Variants in NBPF8 observed in about 807,000 individuals in gnomAD.
NBPF8 encodes the protein NBPF member 8.
chr1:120,436,503 C>T, exon 1 of NBPF8: 1 of 1,492,464 alleles, frequency 6.7e-7, no homozygotes, highest in Non-Finnish European at 9.3e-7. Flanking sequence ...GACTCCACCT[C>T]TTCTGCCACA....
At chr1:120,420,887 G>A (rs1417415425) in intron 1 of NBPF8, among the ~76,000 whole-genome samples, 4 of 147,456 alleles carry the variant, frequency 2.7e-5, no homozygotes, top group Non-Finnish European at 6.0e-5. Context: ...TTGAGAGGGG[G>A]AGAAAGAAAG....
chr1:120,435,812 G>C (rs1661057178), upstream of NBPF8, among the ~76,000 whole-genome samples: 1 of 151,574 alleles, frequency 6.6e-6, no homozygotes, highest in African/African-American at 2.4e-5. Context: ...CTTGCAGTGA[G>C]CCTAGATCGC....
chr1:120,462,832 T>C, exon 21 of NBPF8: 3 of 332,136 alleles, frequency 9.0e-6, no homozygotes, highest in Non-Finnish European at 1.6e-5. Context: ...GAGCCTGAAG[T>C]CTTGCAGGAC....
At chr1:120,435,665 A>AC (rs1462336796), upstream of NBPF8, among the ~76,000 whole-genome samples, 1 of 150,448 alleles carries the variant, frequency 6.6e-6, no homozygotes, top group Non-Finnish European at 1.5e-5. Flanking sequence ...ACACAGTGAA[A>AC]CCCCGTCTCT....
chr1:120,416,297 G>A (rs1285490277), upstream of NBPF8, among the ~76,000 whole-genome samples: 8 of 133,824 alleles, frequency 6.0e-5, no homozygotes, highest in Non-Finnish European at 9.4e-5. Context: ...TATACAGAGA[G>A]GTTCACAATT....
In NBPF8 at chr1:120,464,560, T is replaced by A. The variant is rs1428186851; in HGVS notation, n.3459+12T>A. The A allele has an allele frequency of 1.9e-5, 15 of 770,984 alleles. No homozygotes were observed. The highest frequency in any genetic ancestry group is 3.6e-5 in the Non-Finnish European group (15 of 417,908). The allele number at this position is 770,984 out of a possible 1,614,324, so 47.8% of individuals were successfully genotyped here. A position where few individuals can be genotyped will look rare whatever the true frequency, so the allele number is the denominator to read the frequency against. ...TCTTGACGTGGGAGGTGAGTACCTTTCTATGAAGGTGATAAGGATCCACTG... is the reference window on the plus strand; with the variant it reads ...TCTTGACGTGGGAGGTGAGTACCTTACTATGAAGGTGATAAGGATCCACTG... On this transcript the variant is annotated intron_variant and non_coding_transcript_variant, in intron 23 of 24. Transcript: ENST00000583271.
At chr1:120,456,452 A>T (rs1374493987) in intron 16 of NBPF8, among the ~76,000 whole-genome samples, 7 of 130,928 alleles carry the variant, frequency 5.3e-5, no homozygotes, top group East Asian at 3.9e-4. Context: ...GTGCTCCTGT[A>T]TAGGGTGCAT....
chr1:120,419,500 C>T (rs1252401797), upstream of NBPF8, among the ~76,000 whole-genome samples: 1 of 151,266 alleles, frequency 6.6e-6, no homozygotes, highest in Non-Finnish European at 1.5e-5. Flanking sequence ...ATTTTTTTTT[C>T]CCCCAGGCTG....
At chr1:120,451,894 A>G (rs1661284773) in intron 12 of NBPF8, among the ~76,000 whole-genome samples, 1 of 151,810 alleles carries the variant, frequency 6.6e-6, no homozygotes, top group Non-Finnish European at 1.5e-5. Flanking sequence ...AGAAAGATGA[A>G]TGGAACATCA....
At chr1:120,422,024 G>A (rs1211975564) in intron 1 of NBPF8, among the ~76,000 whole-genome samples, 11 of 151,888 alleles carry the variant, frequency 7.2e-5, no homozygotes, top group Admixed American at 5.2e-4. Context: ...ATAACAGGAT[G>A]CCACCAAAAC....
intron 3 of NBPF8, among the ~76,000 whole-genome samples, chr1:120,431,228 T>C (rs1387544018): frequency 7.5e-6 from 1 of 134,036 alleles, no homozygotes; most frequent in South Asian, 2.3e-4. Flanking sequence ...CATATATATA[T>C]GTATACACAC....
downstream of NBPF8, among the ~76,000 whole-genome samples, chr1:120,469,502 A>T (rs1292196908): frequency 6.1e-5 from 9 of 147,036 alleles, no homozygotes; most frequent in Non-Finnish European, 9.0e-5. Context: ...AGTACAAGTA[A>T]CTATCACACA....
upstream of NBPF8, among the ~76,000 whole-genome samples, chr1:120,415,095 G>A (rs1553244869): frequency 1.8e-4 from 27 of 152,110 alleles, no homozygotes; most frequent in Non-Finnish European, 3.2e-4. Flanking sequence ...TTGAGACAGC[G>A]GCGGTATTGG....
rs1255134039 is a variant in NBPF8, at chr1:120,427,799, G to A, written n.462G>A. On this transcript the variant is annotated non_coding_transcript_exon_variant, in exon 3 of 29. The change abolishes an upstream ATG in the 5' untranslated region. Transcript: ENST00000652355. ...TACTGGTTGGGAATCCAAAGTTAAT[G>A]CCAAGAAGCAGCCGCCAGTTGGGAT... is the stretch of plus-strand genomic sequence containing the variant. 2.1e-5 allele frequency among the ~76,000 whole-genome samples: 3 copies of A among 142,076 alleles called. No individual in the cohort carries two copies. The highest frequency in any genetic ancestry group is 4.1e-4 in the East Asian group (2 of 4,914). The allele number at this position is 142,076 out of a possible 152,430, so 93.2% of individuals were successfully genotyped here.
chr1:120,428,165 A>G (rs1420375042), intron 3 of NBPF8, among the ~76,000 whole-genome samples: 498 of 152,098 alleles, frequency 3.3e-3, no homozygotes, highest in Non-Finnish European at 5.4e-3. Flanking sequence ...CCCTCCCTTT[A>G]TGTACATAGA....
chr1:120,419,165 G>A (rs1311020220), upstream of NBPF8, among the ~76,000 whole-genome samples: 2 of 152,168 alleles, frequency 1.3e-5, no homozygotes, highest in Non-Finnish European at 2.9e-5. Flanking sequence ...AAATAAAATA[G>A]CTTGTATACA....
intron 21 of NBPF8, among the ~76,000 whole-genome samples, chr1:120,463,177 GC>G (rs1661640077): frequency 6.7e-6 from 1 of 148,220 alleles, no homozygotes; most frequent in South Asian, 2.1e-4. Flanking sequence ...CTAGTCTCCA[GC>G]CATGCCTGTG....
chr1:120,452,169 G>T (rs1366491738), exon 13 of NBPF8: 9 of 1,602,910 alleles, frequency 5.6e-6, no homozygotes, highest in African/African-American at 1.4e-5. Flanking sequence ...CCAGTTAAGG[G>T]AGAAGTTGCG....
rs1449470298 is a variant in NBPF8, at chr1:120,436,621, G to A, written n.269G>A. On this transcript the variant is annotated non_coding_transcript_exon_variant, in exon 1 of 25. Transcript: ENST00000583271. ...GCCCCCAGTTGGCAGAGAACAAACA[G>A]CAGTTCGTAAACCTCAAAGAGAGAT... is the stretch of plus-strand genomic sequence containing the variant. 4.4e-6 allele frequency: 7 copies of A among 1,593,456 alleles called. No homozygotes were observed. In the Middle Eastern group the frequency reaches 9.8e-4, roughly 223 times the overall value.
Sources: allele counts gnomAD v4.1 joint callset (sites outside exome capture counted in the v4.1 genomes callset), GRCh38; gene constraint gnomAD v4.1.1; transcripts MANE v1.5; gene names NCBI Gene and HGNC (gene_info 2026-07-23, HGNC 2026-07-21).